FAM181A: variants seen among roughly 807,000 people sequenced by gnomAD.
FAM181A encodes protein FAM181A.
A neutral mutation model predicts 16.3 loss-of-function variants in FAM181A; 7 were observed. That is an observed-to-expected ratio of 0.43 (90% CI 0.24 to 0.81). The LOEUF (loss-of-function observed/expected upper bound fraction) is 0.81, where lower values mean the gene tolerates loss of function less well. FAM181A is among the 30% of genes least tolerant of loss of function. The probability of loss-of-function intolerance (pLI) is 0.24; values close to 1 mark genes in which losing one functional copy is unlikely to be tolerated. For missense variants in FAM181A, 349 were observed against 377.5 expected, an observed-to-expected ratio of 0.92 and a Z score of 0.63; for synonymous variants, 183 against 164.9, an observed-to-expected ratio of 1.11 and a Z score of -0.84.
intron 1 of FAM181A, chr14:93,927,701 G>A (rs1887966340): frequency 2.5e-6 from 3 of 1,208,418 alleles, no homozygotes; most frequent in African/African-American, 3.1e-5. Context: ...CGTGGGGACT[G>A]AGGAGGGGGG....
intron 1 of FAM181A, among the ~76,000 whole-genome samples, chr14:93,920,728 A>G (rs143365489): frequency 6.6e-6 from 1 of 152,336 alleles, no homozygotes; most frequent in East Asian, 1.9e-4. Context: ...GCTACATCAT[A>G]TCCCATGGTG....
At chr14:93,923,244 G>A (rs922454969), upstream of FAM181A, among the ~76,000 whole-genome samples, 1 of 152,162 alleles carries the variant, frequency 6.6e-6, no homozygotes, top group East Asian at 1.9e-4. Context: ...CAAAGTGCTG[G>A]GATTACAGGC....
rs1331334655 is a variant in FAM181A, at chr14:93,928,819, A to C, written c.534A>C (p.Gly178=). 6.2e-7 allele frequency: 1 copy of C among 1,613,868 alleles called. No individual in the cohort carries two copies. The highest frequency in any genetic ancestry group is 1.3e-5 in the African/African-American group (1 of 74,922). ...ATTGCAAGGGCTTGGAGCCCCTGGG[A>C]CCTGAGACTACCCTGGTGTCCATGT... ...KKNCKGLEPL[G]PETTLVSMSP... The change falls in exon 2 of 2, where the codon GGA becomes GGC. Residue 178 remains glycine (G), a synonymous_variant. Transcript: ENST00000556222.
At chr14:93,921,622 T>C (rs536658168) in intron 1 of FAM181A, among the ~76,000 whole-genome samples, 71 of 152,336 alleles carry the variant, frequency 4.7e-4, no homozygotes, top group African/African-American at 1.6e-3. Context: ...GCGTCGCATG[T>C]CCACAGAGGC....
chr14:93,923,161 G>T (rs1887786335), upstream of FAM181A, among the ~76,000 whole-genome samples: 1 of 152,212 alleles, frequency 6.6e-6, no homozygotes, highest in African/African-American at 2.4e-5. Context: ...TTTTAGTAGA[G>T]ACGGGGTTTC....
intron 1 of FAM181A, chr14:93,927,684 G>A: frequency 8.0e-7 from 1 of 1,254,382 alleles, no homozygotes; most frequent in South Asian, 1.3e-5. Flanking sequence ...GAGAGCTGGG[G>A]GTGGAGCGTG....
chr14:93,928,603 G>A lies in FAM181A; in HGVS notation c.318G>A (p.Glu106=), dbSNP rs749908917. The A allele has an allele frequency of 5.6e-6, 9 of 1,613,804 alleles. No individual in the cohort carries two copies. The highest frequency in any genetic ancestry group is 5.3e-5 in the African/African-American group (4 of 74,922). ...KEKVLRNPYR[E]ECLAKEQLPQ... is the part of the protein sequence containing the mutation. The stretch of plus-strand genomic sequence containing the variant: ...AGGTGCTGAGGAACCCCTACAGGGA[G>A]GAATGTCTTGCTAAGGAGCAGCTCC... The change falls in exon 2 of 2, where the codon GAG becomes GAA. Residue 106 remains glutamate (E), a synonymous_variant. Coordinates refer to ENST00000556222, the MANE Select transcript of FAM181A (RefSeq NM_001207073.2).
chr14:93,928,295 G>T lies in FAM181A; in HGVS notation c.10G>T (p.Asp4Tyr). 6.2e-7 allele frequency: 1 copy of T among 1,613,726 alleles called. No individual in the cohort carries two copies. Among genetic ancestry groups the T allele is most frequent in the Non-Finnish European group, 8.5e-7 (1 of 1,180,016 alleles). Residue 4 changes from aspartate (D) to tyrosine (Y), a missense_variant, in exon 2 of 2, where the codon GAC becomes TAC. By Grantham distance (160) the Asp-to-Tyr change is radical. Coordinates refer to ENST00000556222, the MANE Select transcript of FAM181A (RefSeq NM_001207073.2). MAS[D>Y]SDVKMLLNFV... Reference sequence around the variant, plus strand: ...CAGTGGCCCCCTGGTGATGGCATCCGACAGTGATGTGAAGATGCTGCTGAA... The same window carrying T: ...CAGTGGCCCCCTGGTGATGGCATCCTACAGTGATGTGAAGATGCTGCTGAA...
Position 93,929,115 on chromosome 14 carries a change from C to G in FAM181A, c.830C>G (p.Thr277Ser), listed in dbSNP as rs777203876. The change falls in exon 2 of 2, where the codon ACC becomes AGC. Residue 277 changes from threonine to serine, a missense_variant. Thr to Ser is a moderately conservative substitution (Grantham distance 58, BLOSUM62 1). Coordinates refer to ENST00000556222, the MANE Select transcript of FAM181A (RefSeq NM_001207073.2). ...CRPVVLKPIPTKPAVPPPIFN... is the reference protein window; with the variant it reads ...CRPVVLKPIPSKPAVPPPIFN... ...CCCGTGGTGCTGAAACCCATCCCCACCAAGCCAGCCGTGCCCCCACCCATC... is the reference window on the plus strand; with the variant it reads ...CCCGTGGTGCTGAAACCCATCCCCAGCAAGCCAGCCGTGCCCCCACCCATC... 6.5e-6 allele frequency: 10 copies of G among 1,527,824 alleles called. No individual in the cohort carries two copies. In the South Asian group the frequency reaches 1.0e-4, roughly 16 times the overall value. 94.6% of individuals were successfully genotyped at this position (1,527,824 alleles called of 1,614,324 possible). A position where few individuals can be genotyped will look rare whatever the true frequency, so the allele number is the denominator to read the frequency against.
At chr14:93,925,355 G>A (rs552387444), upstream of FAM181A, 27 of 1,612,848 alleles carry the variant, frequency 1.7e-5, no homozygotes, top group African/African-American at 1.6e-4. Context: ...AGAAAAGGGC[G>A]AGCACAGCAA....
exon 1 of FAM181A, chr14:93,918,919 A>C (rs1273299188): frequency 6.6e-6 from 1 of 152,200 alleles, no homozygotes; most frequent in Non-Finnish European, 1.5e-5. Context: ...GACAGTTGAG[A>C]TCAAACAGAC....
In FAM181A at chr14:93,928,591, C is replaced by G. The variant is rs773217305; in HGVS notation, c.306C>G (p.Asn102Lys). 1 of 1,613,864 alleles carries G rather than the reference C, an allele frequency of 6.2e-7. No individual in the cohort carries two copies. The highest frequency in any genetic ancestry group is 8.5e-7 in the Non-Finnish European group (1 of 1,179,984). Residue 102 changes from asparagine (N) to lysine (K), a missense_variant, in exon 2 of 2, where the codon AAC becomes AAG. Physicochemically the swap from Asn to Lys is moderately conservative, Grantham distance 94 (BLOSUM62 0). Transcript: ENST00000556222. The stretch of plus-strand genomic sequence containing the variant: ...GCTGCAAGGAGAAGGTGCTGAGGAA[C>G]CCCTACAGGGAGGAATGTCTTGCTA... Reference protein sequence around the residue: ...GGGCKEKVLRNPYREECLAKE... With the variant: ...GGGCKEKVLRKPYREECLAKE...
At position 93,927,438 on chromosome 14, in the gene FAM181A, C is replaced by A. The variant is rs764995464; in HGVS notation, c.-104C>A. 255 of 1,217,180 alleles carry A rather than the reference C, an allele frequency of 2.1e-4. No homozygotes were observed. The highest frequency in any genetic ancestry group is 2.5e-4 in the Non-Finnish European group (237 of 948,270). The allele number at this position is 1,217,180 out of a possible 1,614,324, so 75.4% of individuals were successfully genotyped here. A position where few individuals can be genotyped will look rare whatever the true frequency, so the allele number is the denominator to read the frequency against. ...AACCTGCCGGGCCACGTTGGTGGGG[C>A]CTGGGCCGCACCTTCGGTCAGTGTG... On this transcript the variant is annotated 5_prime_UTR_variant, in exon 1 of 2. Coordinates refer to ENST00000556222, the MANE Select transcript of FAM181A (RefSeq NM_001207073.2).
upstream of FAM181A, among the ~76,000 whole-genome samples, chr14:93,924,173 G>C (rs1305800991): frequency 6.6e-6 from 1 of 152,120 alleles, no homozygotes; most frequent in Non-Finnish European, 1.5e-5. Flanking sequence ...GATTACAAAG[G>C]GCCTTCTGCA....
At chr14:93,926,180 A>T (rs1887898362), upstream of FAM181A, 1 of 152,664 alleles carries the variant, frequency 6.6e-6, no homozygotes, top group Non-Finnish European at 1.5e-5. This position sits in a 1 kb window ranked among gnomAD's most constrained non-coding sequence, Gnocchi z 5.2. Flanking sequence ...TCTGGGCAGA[A>T]AAATGATGAG....
At chr14:93,927,649 A>T in intron 1 of FAM181A, 195 bp downstream of exon 1, 3 of 1,280,540 alleles carry the variant, frequency 2.3e-6, no homozygotes, top group Non-Finnish European at 3.0e-6. Context: ...TAAGTGCCAG[A>T]CAGGGGTCCT....
intron 1 of FAM181A, among the ~76,000 whole-genome samples, chr14:93,919,375 T>G (rs1029241944): frequency 2.0e-5 from 3 of 152,212 alleles, no homozygotes; most frequent in Admixed American, 6.5e-5. Flanking sequence ...GCACTTCAGC[T>G]TCACCCCTTT....
rs762477207 is a variant in FAM181A at position 93,928,938 on chromosome 14, A to T, written c.653A>T (p.Tyr218Phe). Residue 218 changes from tyrosine (Y) to phenylalanine (F), a missense_variant, in exon 2 of 2, where the codon TAC becomes TTC. Tyr to Phe is a conservative substitution (Grantham distance 22). Coordinates refer to ENST00000556222, the MANE Select transcript of FAM181A (RefSeq NM_001207073.2). ...GCCTGGAGTTGCTGCCCCTTCCAGT[A>T]CCATGGACAGCCCATCTATCCGGGC... ...VNAWSCCPFQYHGQPIYPGPL... is the reference protein window; with the variant it reads ...VNAWSCCPFQFHGQPIYPGPL... 87 of 1,613,904 alleles carry T rather than the reference A, an allele frequency of 5.4e-5. No individual in the cohort carries two copies. The highest frequency in any genetic ancestry group is 6.1e-5 in the Non-Finnish European group (72 of 1,179,970).
upstream of FAM181A, chr14:93,924,095 G>C (rs932872961): frequency 6.6e-6 from 1 of 152,226 alleles, no homozygotes; most frequent in Non-Finnish European, 1.5e-5. Flanking sequence ...TCATTGGAAT[G>C]GGCAAAGTAT....
Sources: allele counts gnomAD v4.1 joint callset (sites outside exome capture counted in the v4.1 genomes callset), GRCh38; gene constraint gnomAD v4.1.1; non-coding constraint Gnocchi (gnomAD v3.1); transcripts MANE v1.5; gene names NCBI Gene and HGNC (gene_info 2026-07-23, HGNC 2026-07-21).